KIAA1217: variants seen among roughly 807,000 people sequenced by gnomAD.
KIAA1217 encodes KIAA1217.
A neutral mutation model predicts 163.9 loss-of-function variants in KIAA1217; 88 were observed. The observed-to-expected ratio is 0.54, with a 90% CI of 0.45 to 0.64. KIAA1217 has a LOEUF of 0.64. KIAA1217 is among the 30% of genes least tolerant of loss of function. The pLI is 0.00. For synonymous variants in KIAA1217, 903 were observed against 923.1 expected, an observed-to-expected ratio of 0.98 and a Z score of 0.39; for missense variants, 2,372 against 2,475.0, an observed-to-expected ratio of 0.96 and a Z score of 0.88.
intron 2 of KIAA1217, among the ~76,000 whole-genome samples, chr10:24,203,390 C>A (rs1046963807): frequency 2.0e-5 from 3 of 151,908 alleles, no homozygotes; most frequent in Non-Finnish European, 4.4e-5. Context: ...ACCCTGGAGA[C>A]GAGAAAGATG....
chr10:24,374,431 G>A (rs138100651), intron 2 of KIAA1217, among the ~76,000 whole-genome samples: 1,905 of 152,238 alleles, frequency 0.013, 20 homozygotes, highest in Middle Eastern at 0.024. Flanking sequence ...TTAACAGCAG[G>A]ACCCTCTAGC....
intron 1 of KIAA1217, among the ~76,000 whole-genome samples, chr10:23,940,321 G>C (rs961040039): frequency 6.6e-6 from 1 of 152,022 alleles, no homozygotes; most frequent in African/African-American, 2.4e-5. Context: ...TTAGCCAGGT[G>C]TGGTGGCAGG....
At chr10:24,370,757 G>T (rs1215015533) in intron 2 of KIAA1217, among the ~76,000 whole-genome samples, 2 of 152,068 alleles carry the variant, frequency 1.3e-5, no homozygotes, top group Non-Finnish European at 2.9e-5. Flanking sequence ...TAATTTTCAT[G>T]TTGGTTTTTT....
At chr10:24,330,710 A>G (rs1381018027) in intron 2 of KIAA1217, among the ~76,000 whole-genome samples, 1 of 152,004 alleles carries the variant, frequency 6.6e-6, no homozygotes, top group African/African-American at 2.4e-5. Flanking sequence ...CCTCCTACCA[A>G]GCTCAAGCAA....
At chr10:23,895,598 T>C (rs1285550058) in intron 1 of KIAA1217, among the ~76,000 whole-genome samples, 1 of 152,028 alleles carries the variant, frequency 6.6e-6, no homozygotes, top group African/African-American at 2.4e-5. Context: ...TCCTCAGAGA[T>C]CTAGAACTAG....
chr10:23,918,925 A>G (rs1459861772), intron 1 of KIAA1217, among the ~76,000 whole-genome samples: 2 of 152,130 alleles, frequency 1.3e-5, no homozygotes, highest in East Asian at 1.9e-4. Context: ...ATGTCTCCCC[A>G]TACAAGGCTT....
chr10:24,092,067 C>T (rs376595539), intron 2 of KIAA1217, among the ~76,000 whole-genome samples: 3 of 151,812 alleles, frequency 2.0e-5, no homozygotes, highest in African/African-American at 7.3e-5. Flanking sequence ...TCCTCCCCAA[C>T]GTCCTTCTCT....
At chr10:23,858,965 G>A (rs1458759357) in intron 1 of KIAA1217, among the ~76,000 whole-genome samples, 2 of 152,104 alleles carry the variant, frequency 1.3e-5, no homozygotes, top group African/African-American at 4.8e-5. Context: ...TCTCCAAGGG[G>A]TTTAGAGTTT....
At chr10:24,013,473 G>A (rs190831955) in intron 2 of KIAA1217, among the ~76,000 whole-genome samples, 6 of 152,130 alleles carry the variant, frequency 3.9e-5, no homozygotes, top group South Asian at 2.1e-4. Flanking sequence ...ACCAAGCCCC[G>A]TATTTCCTCT....
At chr10:24,211,767 G>C (rs1009595049) in intron 1 of KIAA1217, among the ~76,000 whole-genome samples, 2 of 151,834 alleles carry the variant, frequency 1.3e-5, no homozygotes, top group African/African-American at 2.4e-5. Context: ...CAAGAACCAG[G>C]GCTAGCTTGG....
intron 2 of KIAA1217, among the ~76,000 whole-genome samples, chr10:24,367,400 G>C (rs1294344252): frequency 6.6e-6 from 1 of 152,182 alleles, no homozygotes; most frequent in African/African-American, 2.4e-5. Context: ...AATTATGAGA[G>C]TCAGTATTAA....
chr10:24,437,702 C>T (rs919704104), intron 4 of KIAA1217, among the ~76,000 whole-genome samples: 2 of 151,970 alleles, frequency 1.3e-5, no homozygotes, highest in African/African-American at 4.8e-5. Context: ...CTCTAAGAGC[C>T]GGGTTCAGAG....
intron 1 of KIAA1217, among the ~76,000 whole-genome samples, chr10:23,709,367 G>GT (rs11406811): frequency 0.036 from 5,462 of 151,920 alleles, 305 homozygotes; most frequent in African/African-American, 0.12. Context: ...TTATAAAATA[G>GT]TTTTTTAAAA....
intron 3 of KIAA1217, among the ~76,000 whole-genome samples, chr10:24,388,580 G>A (rs974932856): frequency 5.3e-5 from 8 of 152,062 alleles, no homozygotes; most frequent in Non-Finnish European, 8.8e-5. Flanking sequence ...AAACTAAAGA[G>A]CTTCTGTACA....
intron 3 of KIAA1217, among the ~76,000 whole-genome samples, chr10:24,422,660 A>G (rs908216039): frequency 1.3e-5 from 2 of 152,244 alleles, no homozygotes; most frequent in African/African-American, 4.8e-5. Flanking sequence ...GAAATCATCA[A>G]TTGATTCTTT....
chr10:23,998,413 G>A (rs1490089582), intron 1 of KIAA1217, among the ~76,000 whole-genome samples: 1 of 152,162 alleles, frequency 6.6e-6, no homozygotes, highest in South Asian at 2.1e-4. Context: ...AAATTTCCAG[G>A]ACCCTGTTTC....
At chr10:24,453,199 T>C (rs2061516336) in intron 5 of KIAA1217, among the ~76,000 whole-genome samples, 1 of 152,230 alleles carries the variant, frequency 6.6e-6, no homozygotes, top group South Asian at 2.1e-4. Context: ...TCTGCTTTTG[T>C]TCTCACCCCT....
At chr10:24,465,102 A>G (rs1161805162) in intron 5 of KIAA1217, among the ~76,000 whole-genome samples, 2 of 152,214 alleles carry the variant, frequency 1.3e-5, no homozygotes, top group East Asian at 3.9e-4. Flanking sequence ...CTGAAGACAC[A>G]AAACAAAACC....
At chr10:24,368,473 AT>A (rs980566125) in intron 2 of KIAA1217, among the ~76,000 whole-genome samples, 5 of 151,696 alleles carry the variant, frequency 3.3e-5, no homozygotes, top group African/African-American at 1.2e-4. Context: ...TTTTTTCCAT[AT>A]CAGCAAATAA....
Sources: allele counts gnomAD v4.1 joint callset (sites outside exome capture counted in the v4.1 genomes callset), GRCh38; gene constraint gnomAD v4.1.1; transcripts MANE v1.5; gene names NCBI Gene and HGNC (gene_info 2026-07-23, HGNC 2026-07-21).